The following EML1 variants were observed in gnomAD, a reference collection of about 807,000 sequenced individuals.
EML1 encodes echinoderm microtubule-associated protein-like 1.
Under a neutral mutation model 110.4 loss-of-function variants are expected in EML1, and 27 were observed. That is an observed-to-expected ratio of 0.24 (90% CI 0.18 to 0.34). EML1 has a LOEUF of 0.34. EML1 is among the 10% of genes least tolerant of loss of function. The pLI is 1.00. For missense variants in EML1, 741 were observed against 1,030.9 expected (o/e 0.72, Z 3.85); for synonymous variants, 344 against 385.8 (o/e 0.89, Z 1.27).
chr14:99,875,000 T>C, intron 3 of EML1: 1 of 1,612,670 alleles, frequency 6.2e-7, no homozygotes, highest in Non-Finnish European at 8.5e-7. Context: ...GAGGGGAACT[T>C]AGATTTACTT....
intron 3 of EML1, among the ~76,000 whole-genome samples, chr14:99,871,909 C>T (rs961460706): frequency 6.6e-6 from 1 of 152,170 alleles, no homozygotes; most frequent in Admixed American, 6.5e-5. Context: ...GCGTGGGGAA[C>T]GTGGCCCGGG....
At chr14:99,868,382 C>G (rs4905910) in intron 3 of EML1, among the ~76,000 whole-genome samples, 54,767 of 151,962 alleles carry the variant, frequency 0.36, 10,806 homozygotes, top group African/African-American at 0.52. Context: ...GTTTAAGGAG[C>G]ATTGGAATTT....
chr14:99,794,339 C>CTTTTTTTTTTTTTTTTT (rs113918392), intron 1 of EML1, among the ~76,000 whole-genome samples: 1 of 141,262 alleles, frequency 7.1e-6, no homozygotes, highest in Non-Finnish European at 1.5e-5. Flanking sequence ...GTTAACCACA[C>CTTTTTTTTTTTTTTTTT]TTTTTTTTTT....
upstream of EML1, among the ~76,000 whole-genome samples, chr14:99,770,779 ATTTTT>A (rs34744469): frequency 6.4e-4 from 59 of 91,632 alleles, no homozygotes; most frequent in African/African-American, 1.9e-3. Flanking sequence ...GTTTCCGCTG[ATTTTT>A]TTTTTTTTTT....
chr14:99,881,878 C>T (rs10146679), intron 4 of EML1, among the ~76,000 whole-genome samples: 1,659 of 152,206 alleles, frequency 0.011, 38 homozygotes, highest in African/African-American at 0.037. Flanking sequence ...GGATTACAGG[C>T]GTGAGCCACC....
At chr14:99,829,884 C>CAA (rs892877385) in intron 1 of EML1, among the ~76,000 whole-genome samples, 1 of 152,148 alleles carries the variant, frequency 6.6e-6, no homozygotes, top group Non-Finnish European at 1.5e-5. Context: ...TTTGCTTATC[C>CAA]GTTCATCCAT....
chr14:99,935,145 G>A (rs2060445290), intron 17 of EML1, among the ~76,000 whole-genome samples: 3 of 152,174 alleles, frequency 2.0e-5, no homozygotes, highest in Admixed American at 1.3e-4. Context: ...CAGTGATTGG[G>A]ACAGGGAGGG....
chr14:99,739,507 C>A (rs887363532), intron 1 of EML1, among the ~76,000 whole-genome samples: 2 of 152,220 alleles, frequency 1.3e-5, no homozygotes, highest in African/African-American at 4.8e-5. Flanking sequence ...CCATCCCTTC[C>A]CCATCTAGGA....
At position 99,739,718 on chromosome 14, in the gene EML1, A is replaced by G. The variant is rs1298547106; in HGVS notation, c.28+1858A>G. 3.3e-5 allele frequency among the ~76,000 whole-genome samples: 5 copies of G among 152,302 alleles called. No homozygotes were observed. The East Asian group carries it at 9.7e-4, about 29-fold the overall frequency. ...AGTAAAGGCGGCATCTTGGTGCAGG[A>G]AGGTATATTTACTTATGGGTAGAAG... On this transcript the variant is annotated intron_variant, in intron 1 of 10. Transcript: ENST00000554479.
intron 17 of EML1, among the ~76,000 whole-genome samples, chr14:99,927,889 T>G (rs111448922): frequency 0.29 from 1,050 of 3,578 alleles, 497 homozygotes; most frequent in East Asian, 0.56. Flanking sequence ...GTGGTGGTGG[T>G]GGTGGTGGTG....
chr14:99,762,695 A>C (rs1413848006), intron 1 of EML1, among the ~76,000 whole-genome samples: 1 of 152,170 alleles, frequency 6.6e-6, no homozygotes, highest in Non-Finnish European at 1.5e-5. Flanking sequence ...ACTACACGAG[A>C]GGCTGAGGTG....
rs970588095 is a variant in EML1 at position 99,840,692 on chromosome 14, C to T, written c.68-10161C>T. Among the ~76,000 whole-genome samples, 3 of 152,170 alleles carry T rather than the reference C, an allele frequency of 2.0e-5. No homozygotes were observed. The East Asian group carries it at 5.8e-4, about 29-fold the overall frequency. ...TTTTAAAATTACTAGGCCACTTTAACCTCCGGGAATAGCACTCAGATAACA... is the reference window on the plus strand; with the variant it reads ...TTTTAAAATTACTAGGCCACTTTAATCTCCGGGAATAGCACTCAGATAACA... On this transcript the variant is annotated intron_variant, in intron 1 of 21. Coordinates refer to ENST00000262233, the MANE Select transcript of EML1 (RefSeq NM_004434.3).
intron 1 of EML1, among the ~76,000 whole-genome samples, chr14:99,846,281 A>ATTTTTTTTTT: frequency 9.1e-6 from 1 of 109,996 alleles, no homozygotes; most frequent in Non-Finnish European, 1.8e-5. Context: ...CCAGCTGGTG[A>ATTTTTTTTTT]TTTTTTTTTT....
At chr14:99,914,768 A>G in intron 15 of EML1, 71 bp downstream of exon 15, 1 of 1,520,836 alleles carries the variant, frequency 6.6e-7, no homozygotes, top group African/African-American at 1.4e-5. Context: ...TATTTTTTGC[A>G]TGAAATCAAC....
intron 16 of EML1, among the ~76,000 whole-genome samples, chr14:99,918,841 AT>A (rs1323505857): frequency 6.6e-6 from 1 of 152,142 alleles, no homozygotes; most frequent in Admixed American, 6.5e-5. Context: ...TAGAAAATAA[AT>A]GCTTTTTCTA....
At chr14:99,896,019 C>T (rs1191096) in intron 6 of EML1, among the ~76,000 whole-genome samples, 46,401 of 151,964 alleles carry the variant, frequency 0.31, 8,053 homozygotes, top group South Asian at 0.49. Context: ...GAAAAGTGAG[C>T]TTCCAGGGGA....
At chr14:99,931,889 C>T (rs1470265759) in intron 17 of EML1, among the ~76,000 whole-genome samples, 1 of 152,206 alleles carries the variant, frequency 6.6e-6, no homozygotes, top group African/African-American at 2.4e-5. Flanking sequence ...GCCGGGCAGT[C>T]GTCGCGGTCA....
intron 19 of EML1, among the ~76,000 whole-genome samples, chr14:99,937,387 A>G (rs1180523420): frequency 6.6e-6 from 1 of 151,996 alleles, no homozygotes; most frequent in Non-Finnish European, 1.5e-5. Context: ...GTCCCCTGGG[A>G]GGCCCTTGGT....
intron 2 of EML1, among the ~76,000 whole-genome samples, chr14:99,862,321 T>C (rs1169100672): frequency 6.6e-6 from 1 of 152,212 alleles, no homozygotes; most frequent in Non-Finnish European, 1.5e-5. Flanking sequence ...GCCATCTGGC[T>C]GAGGGGGTGT....
Sources: allele counts gnomAD v4.1 joint callset (sites outside exome capture counted in the v4.1 genomes callset), GRCh38; gene constraint gnomAD v4.1.1; transcripts MANE v1.5; gene names NCBI Gene and HGNC (gene_info 2026-07-23, HGNC 2026-07-21).